Variants in GNE observed in about 807,000 individuals in gnomAD.
The protein encoded by GNE is bifunctional UDP-N-acetylglucosamine 2-epimerase/N-acetylmannosamine kinase.
A neutral mutation model predicts 61.8 loss-of-function variants in GNE; 41 were observed. The observed-to-expected ratio is 0.66, with a 90% confidence interval of 0.52 to 0.86. GNE has a LOEUF of 0.86. GNE is among the 40% of genes least tolerant of loss of function. GNE has a pLI of 0.00. For missense variants in GNE, 608 were observed against 909.1 expected, an observed-to-expected ratio of 0.67 and a Z score of 4.26; for synonymous variants, 264 against 326.4, an observed-to-expected ratio of 0.81 and a Z score of 2.06.
At position 36,270,604 on chromosome 9, in the gene GNE, G is replaced by A. The variant is rs10972819; in HGVS notation, c.51+6290C>T. Reference sequence around the variant, plus strand: ...ACGATCTCGGCTCACTGCAAGCTCCGCCTCCTGGGTTCACACCATTCTCCT... The same window carrying A: ...ACGATCTCGGCTCACTGCAAGCTCCACCTCCTGGGTTCACACCATTCTCCT... On this transcript the variant is annotated intron_variant, in intron 1 of 11. Coordinates refer to the GNE transcript ENST00000396594. Among the ~76,000 whole-genome samples the A allele has an allele frequency of 6.0e-3, 892 of 148,952 alleles. 10 individuals carry two copies. The highest frequency in any genetic ancestry group is 8.4e-3 in the Non-Finnish European group (568 of 67,676).
intron 1 of GNE, among the ~76,000 whole-genome samples, chr9:36,276,739 A>G (rs1815918897): frequency 6.6e-6 from 1 of 152,192 alleles, no homozygotes; most frequent in African/African-American, 2.4e-5. Context: ...AGAATGACTA[A>G]ACTGAGTTAG....
chr9:36,229,700 A>G (rs1210961288), intron 5 of GNE, among the ~76,000 whole-genome samples: 2 of 152,144 alleles, frequency 1.3e-5, no homozygotes, highest in Non-Finnish European at 2.9e-5. Flanking sequence ...GGTTAAATAA[A>G]GAAGGATGAG....
At chr9:36,266,434 G>A (rs1218645661) in intron 1 of GNE, among the ~76,000 whole-genome samples, 2 of 152,218 alleles carry the variant, frequency 1.3e-5, no homozygotes, top group Non-Finnish European at 2.9e-5. Flanking sequence ...CACTACATGG[G>A]GAAAGCAATT....
intron 2 of GNE, among the ~76,000 whole-genome samples, chr9:36,248,026 CAA>C (rs34605685): frequency 0.63 from 50,601 of 80,078 alleles, 14,333 homozygotes; most frequent in Non-Finnish European, 0.7. Flanking sequence ...AACTCCGTCT[CAA>C]AAAAAAAAAA....
upstream of GNE, among the ~76,000 whole-genome samples, chr9:36,262,041 G>C (rs1417289445): frequency 6.6e-6 from 1 of 151,760 alleles, no homozygotes; most frequent in African/African-American, 2.4e-5. Context: ...TGAAAGGTAA[G>C]AAAAATTAAC....
At chr9:36,265,157 G>C in intron 1 of GNE, 1 of 301,744 alleles carries the variant, frequency 3.3e-6, no homozygotes, top group African/African-American at 2.2e-5. Flanking sequence ...GTTCCTGCAC[G>C]GCAAGTGCCT....
intron 10 of GNE, among the ~76,000 whole-genome samples, chr9:36,219,052 G>A (rs1470721349): frequency 2.0e-5 from 3 of 152,128 alleles, no homozygotes; most frequent in African/African-American, 7.2e-5. Context: ...TGTGCAAACT[G>A]CAACCTAGAC....
At chr9:36,241,497 A>G (rs528013208) in intron 3 of GNE, among the ~76,000 whole-genome samples, 1 of 152,338 alleles carries the variant, frequency 6.6e-6, no homozygotes, top group South Asian at 2.1e-4. Flanking sequence ...ACGCAAGACA[A>G]TGAGCCAGAG....
At chr9:36,260,684 A>G (rs1358873881), upstream of GNE, among the ~76,000 whole-genome samples, 3 of 152,014 alleles carry the variant, frequency 2.0e-5, no homozygotes, top group East Asian at 1.9e-4. Context: ...CCTGGCTAAC[A>G]TGGTGAAACC....
intron 1 of GNE, chr9:36,265,548 T>A (rs1357485542): frequency 2.3e-6 from 1 of 444,044 alleles, no homozygotes; most frequent in Admixed American, 2.4e-5. Context: ...TGGATATTCC[T>A]GTTTAGTAAA....
rs1195681822 is a variant in GNE at position 36,223,484 on chromosome 9, ACTT to A, written c.1297_1299del (p.Lys433del). The A allele has an allele frequency of 2.5e-6, 4 of 1,611,224 alleles. No individual in the cohort carries two copies. Among genetic ancestry groups the A allele is most frequent in the South Asian group, 1.1e-5 (1 of 91,010 alleles). On this transcript the variant is annotated inframe_deletion, in exon 8 of 12. Transcript: ENST00000642385. ...TAGGTTTTAGGATTGAACTGAGTAT[ACTT>A]CTTAACTATTTCACCCTAAAAGAGA... is the stretch of plus-strand genomic sequence containing the variant.
At chr9:36,229,457 A>C (rs1334673376) in intron 5 of GNE, among the ~76,000 whole-genome samples, 1 of 151,980 alleles carries the variant, frequency 6.6e-6, no homozygotes, top group African/African-American at 2.4e-5. Context: ...CCTTCCATCT[A>C]CTCAGCCAGT....
intron 3 of GNE, among the ~76,000 whole-genome samples, chr9:36,245,375 TAC>T (rs1269376647): frequency 6.6e-6 from 1 of 151,762 alleles, no homozygotes; most frequent in Non-Finnish European, 1.5e-5. Flanking sequence ...ATTCCATTAT[TAC>T]AGTTTTTAGT....
Position 36,222,759 on chromosome 9 carries a change from T to TC in GNE, c.1633+17dup. The TC allele has an allele frequency of 1.3e-6, 2 of 1,539,072 alleles. No homozygotes were observed. Among genetic ancestry groups the TC allele is most frequent in the Non-Finnish European group, 1.8e-6 (2 of 1,111,738 alleles). ...ATACATTCTAGCTCCTGAACCAACC[T>TC]CCCCCTACCCCTCTTACCTGTGCCT... On this transcript the variant is annotated intron_variant, in intron 9 of 11. Coordinates refer to ENST00000642385, the MANE Select transcript of GNE (RefSeq NM_005476.7).
chr9:36,227,294 A>G lies in GNE; in HGVS notation c.1235T>C (p.Val412Ala). 3 of 1,613,884 alleles carry G rather than the reference A, an allele frequency of 1.9e-6. No homozygotes were observed. The highest frequency in any genetic ancestry group is 2.5e-6 in the Non-Finnish European group (3 of 1,179,744). Residue 412 changes from valine (V) to alanine (A), a missense_variant, in exon 7 of 12, where the codon GTT (valine) becomes GCT (alanine). Physicochemically the swap from Val to Ala is moderately conservative, Grantham distance 64. Coordinates refer to ENST00000642385, the MANE Select transcript of GNE (RefSeq NM_005476.7). ...TCGGAGGTTCGTCCCGCCAAGATCA[A>G]CGGCCAAGGCACTTAGAGTTTCAAG... The part of the protein sequence containing the change: ...HILETLSALA[V>A]DLGGTNLRVA...
At chr9:36,258,842 C>G (rs1830510165), upstream of GNE, among the ~76,000 whole-genome samples, 1 of 152,202 alleles carries the variant, frequency 6.6e-6, no homozygotes, top group Non-Finnish European at 1.5e-5. Context: ...ACTATACTGT[C>G]GTGTAGCGCG....
At chr9:36,229,324 C>G (rs1042925590) in intron 5 of GNE, among the ~76,000 whole-genome samples, 1 of 152,136 alleles carries the variant, frequency 6.6e-6, no homozygotes, top group Non-Finnish European at 1.5e-5. Context: ...CCCTAGGGTC[C>G]TTTATTCCCA....
rs376953477 is a variant in GNE, at chr9:36,239,294, G to A, written c.617-2310C>T. ...TAATGGTGGTATTTTGATGGGGATTGCATTGAATCTGTAGATTGCTTTTGG... is the reference window on the plus strand; with the variant it reads ...TAATGGTGGTATTTTGATGGGGATTACATTGAATCTGTAGATTGCTTTTGG... On this transcript the variant is annotated intron_variant, in intron 3 of 11. Coordinates refer to ENST00000642385, the MANE Select transcript of GNE (RefSeq NM_005476.7). 1.6e-3 allele frequency among the ~76,000 whole-genome samples: 238 copies of A among 152,090 alleles called. 1 individual carries two copies. The highest frequency in any genetic ancestry group is 5.6e-3 in the African/African-American group (231 of 41,496).
chr9:36,219,894 A>G lies in GNE; in HGVS notation c.1760T>C (p.Ile587Thr), dbSNP rs748949603. The change falls in exon 10 of 12, where the codon ATT becomes ACT. Residue 587 changes from isoleucine to threonine, a missense_variant. By Grantham distance (89) the Ile-to-Thr change is moderately conservative. Coordinates refer to ENST00000642385, the MANE Select transcript of GNE (RefSeq NM_005476.7). ...PDCSCGSHGCIEAYASGMALQ... is the reference protein window; with the variant it reads ...PDCSCGSHGCTEAYASGMALQ... ...GGCCATTCCAGAGGCGTATGCTTCA[A>G]TGCACCCATGGCTTCCACAGGAACA... 37 of 1,614,048 alleles carry G rather than the reference A, an allele frequency of 2.3e-5. No homozygotes were observed. The highest frequency in any genetic ancestry group is 1.4e-4 in the South Asian group (13 of 91,078).
Sources: allele counts gnomAD v4.1 joint callset (sites outside exome capture counted in the v4.1 genomes callset), GRCh38; gene constraint gnomAD v4.1.1; transcripts MANE v1.5; gene names NCBI Gene and HGNC (gene_info 2026-07-23, HGNC 2026-07-21).